PDE4B: variants seen among roughly 807,000 people sequenced by gnomAD.
PDE4B encodes phosphodiesterase 4B.
Under a neutral mutation model 82.2 loss-of-function variants are expected in PDE4B, and 20 were observed. The observed-to-expected ratio is 0.24, with a 90% confidence interval of 0.17 to 0.35. The LOEUF (loss-of-function observed/expected upper bound fraction) is 0.35. PDE4B is among the 10% of genes least tolerant of loss of function. The probability of loss-of-function intolerance (pLI) is 1.00; values close to 1 mark genes in which losing one functional copy is unlikely to be tolerated. For synonymous variants in PDE4B, 320 were observed against 318.9 expected (o/e 1.00, Z -0.04); for missense variants, 655 against 907.2 (o/e 0.72, Z 3.57).
chr1:65,854,139 A>G (rs556398502), intron 1 of PDE4B, among the ~76,000 whole-genome samples: 67 of 151,928 alleles, frequency 4.4e-4, no homozygotes, highest in Non-Finnish European at 8.2e-4. Flanking sequence ...CAACCCACCT[A>G]TACTTCTACC....
At chr1:66,339,587 T>C (rs17427907) in intron 8 of PDE4B, among the ~76,000 whole-genome samples, 8,759 of 152,262 alleles carry the variant, frequency 0.058, 390 homozygotes, top group South Asian at 0.23. Context: ...CTTTGATTGT[T>C]TTACCTCTGG....
chr1:66,357,218 A>G (rs934307577), intron 9 of PDE4B, among the ~76,000 whole-genome samples: 4 of 152,198 alleles, frequency 2.6e-5, no homozygotes, highest in African/African-American at 9.7e-5. Flanking sequence ...TTAAAGTTAT[A>G]TGAAGTCCCT....
intron 3 of PDE4B, among the ~76,000 whole-genome samples, chr1:65,934,732 A>T (rs903906789): frequency 6.6e-6 from 1 of 152,220 alleles, no homozygotes; most frequent in Non-Finnish European, 1.5e-5. Flanking sequence ...CTATACTTAT[A>T]TCAGACAAAA....
Position 65,829,745 on chromosome 1 carries a change from G to A in PDE4B, c.-71+36497G>A, listed in dbSNP as rs188093004. Among the ~76,000 whole-genome samples, 18 of 152,108 alleles carry A rather than the reference G, an allele frequency of 1.2e-4. No homozygotes were observed. The Middle Eastern group carries it at 0.01, about 86-fold the overall frequency. ...TCTCAAGGATAATTTAAAACAAAAC[G>A]AAACAAAGCAAAAAGCATCTGGTAC... On this transcript the variant is annotated intron_variant, in intron 1 of 16. Transcript: ENST00000341517.
At chr1:66,345,024 G>T (rs1318753897) in intron 8 of PDE4B, among the ~76,000 whole-genome samples, 1 of 152,120 alleles carries the variant, frequency 6.6e-6, no homozygotes, top group Non-Finnish European at 1.5e-5. Context: ...AAACATATTT[G>T]AAGCATCCCT....
intron 1 of PDE4B, among the ~76,000 whole-genome samples, chr1:65,825,982 A>G (rs1410171220): frequency 3.9e-5 from 6 of 152,144 alleles, no homozygotes; most frequent in African/African-American, 9.7e-5. Context: ...CATATTTTGC[A>G]TCTGGACTAA....
chr1:65,799,183 C>T (rs973429540), intron 1 of PDE4B, among the ~76,000 whole-genome samples: 22 of 152,122 alleles, frequency 1.4e-4, no homozygotes, highest in Non-Finnish European at 2.9e-4. Context: ...TCACCTATTT[C>T]AACCTTATTG....
chr1:65,819,351 T>C (rs1038450981), intron 1 of PDE4B, among the ~76,000 whole-genome samples: 11 of 152,186 alleles, frequency 7.2e-5, no homozygotes, highest in East Asian at 1.9e-4. Context: ...GATTGCATGA[T>C]TGAATGTCAG....
chr1:66,014,602 C>A (rs913019888), intron 3 of PDE4B, among the ~76,000 whole-genome samples: 2 of 152,112 alleles, frequency 1.3e-5, no homozygotes, highest in Admixed American at 6.6e-5. Context: ...GAAACTCAGA[C>A]CACATAGCTA....
At chr1:66,244,763 A>G (rs953968394) in intron 3 of PDE4B, among the ~76,000 whole-genome samples, 13 of 152,202 alleles carry the variant, frequency 8.5e-5, no homozygotes, top group Non-Finnish European at 1.6e-4. Flanking sequence ...CTTCGTTTAA[A>G]TTCCAGCAAG....
At position 65,880,753 on chromosome 1, in the gene PDE4B, A is replaced by G. The variant is rs557473511; in HGVS notation, c.-70-32492A>G. On this transcript the variant is annotated intron_variant, in intron 1 of 16. Coordinates refer to ENST00000341517, the MANE Select transcript of PDE4B (RefSeq NM_002600.4). ...GTGTTGTTAATAAGCTACCCAGTCT[A>G]TGGTATTTTATTACAGCAACCTGAG... is the stretch of plus-strand genomic sequence containing the variant. Among the ~76,000 whole-genome samples the G allele has an allele frequency of 7.2e-5, 11 of 152,262 alleles. No homozygotes were observed. In the South Asian group the frequency reaches 1.7e-3, roughly 23 times the overall value.
intron 3 of PDE4B, among the ~76,000 whole-genome samples, chr1:66,002,966 T>C (rs1038384014): frequency 2.6e-5 from 4 of 152,220 alleles, no homozygotes; most frequent in African/African-American, 9.6e-5. Context: ...CATTATAAGT[T>C]GTTTAATAGA....
intron 3 of PDE4B, among the ~76,000 whole-genome samples, chr1:65,928,427 A>G (rs1244600989): frequency 6.6e-6 from 1 of 152,194 alleles, no homozygotes; most frequent in Non-Finnish European, 1.5e-5. Context: ...GAGTCAGACC[A>G]TTCTGATTGC....
At chr1:66,283,376 T>C (rs529187748) in intron 7 of PDE4B, among the ~76,000 whole-genome samples, 1 of 151,664 alleles carries the variant, frequency 6.6e-6, no homozygotes, top group East Asian at 1.9e-4. Context: ...TGTATATATG[T>C]ATATATATAT....
chr1:65,941,100 A>G (rs1323714759), intron 3 of PDE4B, among the ~76,000 whole-genome samples: 1 of 152,018 alleles, frequency 6.6e-6, no homozygotes, highest in Non-Finnish European at 1.5e-5. Context: ...TTTGAATGTT[A>G]TCTTACTTCT....
chr1:66,110,817 A>C (rs970014443), intron 3 of PDE4B, among the ~76,000 whole-genome samples: 23 of 152,090 alleles, frequency 1.5e-4, no homozygotes, highest in African/African-American at 4.8e-4. Flanking sequence ...TGCAACTATG[A>C]TGAGGGTGAT....
chr1:66,257,339 G>A (rs780645829), intron 4 of PDE4B: 13 of 445,850 alleles, frequency 2.9e-5, no homozygotes, highest in Admixed American at 5.9e-5. Context: ...TCCACAAGTC[G>A]CTTTGAATTA....
intron 3 of PDE4B, among the ~76,000 whole-genome samples, chr1:66,141,224 C>T (rs1209172010): frequency 2.6e-5 from 4 of 151,240 alleles, no homozygotes; most frequent in South Asian, 2.1e-4. Context: ...TACTAGGACA[C>T]AGTACCCTGG....
chr1:66,346,206 C>G (rs1661383036), intron 8 of PDE4B, among the ~76,000 whole-genome samples: 1 of 152,226 alleles, frequency 6.6e-6, no homozygotes, highest in Non-Finnish European at 1.5e-5. Flanking sequence ...GGTGACACTC[C>G]TCTCACCTGA....
Sources: gnomAD v4.1 joint callset for allele counts (sites outside exome capture counted in the v4.1 genomes callset) on GRCh38, gnomAD v4.1.1 for gene constraint, MANE v1.5 for transcripts, NCBI Gene and HGNC (gene_info 2026-07-23, HGNC 2026-07-21) for gene names.